MLLT3: variants seen among roughly 807,000 people sequenced by gnomAD.
MLLT3 encodes MLLT3 super elongation complex subunit, also known as protein AF-9.
MLLT3 carries 4 observed loss-of-function variants against 53.2 expected under a neutral mutation model. The ratio of observed to expected loss-of-function variants is 0.08; its 90% confidence interval spans 0.04 to 0.17. The LOEUF (loss-of-function observed/expected upper bound fraction) is 0.17. Among genes scored for constraint, MLLT3 ranks in the 10% least tolerant of loss-of-function variants. MLLT3 has a pLI of 1.00. For missense variants in MLLT3, 569 were observed against 684.0 expected, an observed-to-expected ratio of 0.83 and a Z score of 1.87; for synonymous variants, 283 against 230.6, an observed-to-expected ratio of 1.23 and a Z score of -2.06.
At chr9:20,392,361 T>C (rs1358204196) in intron 5 of MLLT3, among the ~76,000 whole-genome samples, 2 of 152,126 alleles carry the variant, frequency 1.3e-5, no homozygotes, top group East Asian at 3.8e-4. Flanking sequence ...CGGGAGAAGA[T>C]GATAGAACTG....
intron 2 of MLLT3, among the ~76,000 whole-genome samples, chr9:20,582,623 T>G (rs191117752): frequency 9.8e-5 from 15 of 152,290 alleles, no homozygotes; most frequent in Admixed American, 9.1e-4. Context: ...GGACTTACAG[T>G]TCCATATGGC....
chr9:20,358,603 C>G (rs939604302), intron 8 of MLLT3, among the ~76,000 whole-genome samples: 2 of 152,202 alleles, frequency 1.3e-5, no homozygotes, highest in African/African-American at 4.8e-5. Context: ...CTGTTCAAGA[C>G]TGCCCATTCA....
chr9:20,359,099 C>T (rs567543064), intron 8 of MLLT3, among the ~76,000 whole-genome samples: 46 of 138,804 alleles, frequency 3.3e-4, no homozygotes, highest in Admixed American at 3.0e-3. Context: ...GAGCCAAGAT[C>T]GCGCCATTGC....
intron 8 of MLLT3, among the ~76,000 whole-genome samples, chr9:20,359,753 A>T (rs898929209): frequency 1.3e-5 from 2 of 152,252 alleles, no homozygotes; most frequent in African/African-American, 4.8e-5. Context: ...CCTGTGAAAC[A>T]GTATTTTCAG....
chr9:20,515,350 T>G (rs891712478), intron 2 of MLLT3, among the ~76,000 whole-genome samples: 1 of 152,222 alleles, frequency 6.6e-6, no homozygotes, highest in Non-Finnish European at 1.5e-5. Context: ...GCCTGAAGTT[T>G]GGCCAAGTTT....
intron 5 of MLLT3, among the ~76,000 whole-genome samples, chr9:20,410,237 CAAGAGAAAAAATCTTGAGTTTGA>C (rs1026017470): frequency 6.6e-6 from 1 of 152,022 alleles, no homozygotes; most frequent in South Asian, 2.1e-4. Flanking sequence ...CAGAGTTCTG[CAAGAGAAAAAATCTTGAGTTTGA>C]AAGAGAAAAA....
chr9:20,384,643 C>T (rs112188694), intron 5 of MLLT3, among the ~76,000 whole-genome samples: 50 of 152,096 alleles, frequency 3.3e-4, no homozygotes, highest in Non-Finnish European at 6.3e-4. Flanking sequence ...AGTATCAACA[C>T]GACAGTCAAA....
chr9:20,584,695 C>T (rs1266184169), intron 2 of MLLT3, among the ~76,000 whole-genome samples: 1 of 152,118 alleles, frequency 6.6e-6, no homozygotes, highest in East Asian at 1.9e-4. Context: ...CAAGAAAGAC[C>T]AGGCCCCAAG....
intron 2 of MLLT3, among the ~76,000 whole-genome samples, chr9:20,513,700 G>A (rs1038386737): frequency 2.0e-5 from 3 of 152,214 alleles, no homozygotes; most frequent in Admixed American, 6.5e-5. Flanking sequence ...GTCCATGAGG[G>A]AGGTGGTTGT....
chr9:20,608,867 T>C (rs1471676250), intron 2 of MLLT3, among the ~76,000 whole-genome samples: 2 of 152,006 alleles, frequency 1.3e-5, no homozygotes, highest in African/African-American at 4.8e-5. Context: ...GTTCCTGATA[T>C]CCCACGTCCC....
rs139122100 is a variant in MLLT3 at position 20,526,611 on chromosome 9, T to C, written c.194-69825A>G. Reference sequence around the variant, plus strand: ...AATGATTGACAGTTTTAAGCTATTATAAGTAGTACTCTAGAAATATTCTTG... The same window carrying C: ...AATGATTGACAGTTTTAAGCTATTACAAGTAGTACTCTAGAAATATTCTTG... On this transcript the variant is annotated intron_variant, in intron 2 of 10. Coordinates refer to ENST00000380338, the MANE Select transcript of MLLT3 (RefSeq NM_004529.4). 2.3e-3 allele frequency among the ~76,000 whole-genome samples: 354 copies of C among 152,330 alleles called. 1 individual carries two copies. The highest frequency in any genetic ancestry group is 3.1e-3 in the Non-Finnish European group (214 of 68,008).
At chr9:20,384,768 A>T (rs1164909615) in intron 5 of MLLT3, among the ~76,000 whole-genome samples, 1 of 152,120 alleles carries the variant, frequency 6.6e-6, no homozygotes, top group African/African-American at 2.4e-5. Flanking sequence ...AGAGTCATCA[A>T]ATCTACAGTC....
At chr9:20,398,085 A>T (rs1822366420) in intron 5 of MLLT3, among the ~76,000 whole-genome samples, 1 of 152,072 alleles carries the variant, frequency 6.6e-6, no homozygotes, top group African/African-American at 2.4e-5. Flanking sequence ...TTCTGCATAT[A>T]CAATGAATAT....
At chr9:20,509,830 C>G (rs1315487200) in intron 2 of MLLT3, among the ~76,000 whole-genome samples, 1 of 151,482 alleles carries the variant, frequency 6.6e-6, no homozygotes, top group Non-Finnish European at 1.5e-5. Context: ...TGTAAAAGAA[C>G]TGTCAATCAG....
chr9:20,372,488 C>T (rs189610360), intron 5 of MLLT3, among the ~76,000 whole-genome samples: 9 of 151,788 alleles, frequency 5.9e-5, no homozygotes, highest in African/African-American at 2.2e-4. Context: ...AGTTCGTTCA[C>T]GCCATTCTCC....
chr9:20,593,657 C>G (rs772483752), intron 2 of MLLT3, among the ~76,000 whole-genome samples: 1 of 152,146 alleles, frequency 6.6e-6, no homozygotes, highest in African/African-American at 2.4e-5. Context: ...TAAACTAACT[C>G]TGCTTATTCC....
At chr9:20,350,588 C>T (rs1029005709) in intron 10 of MLLT3, among the ~76,000 whole-genome samples, 1 of 71,446 alleles carries the variant, frequency 1.4e-5, no homozygotes. Flanking sequence ...GAGCGAGACT[C>T]CGTCTCAAAA....
intron 2 of MLLT3, among the ~76,000 whole-genome samples, chr9:20,588,108 C>T (rs1393033504): frequency 6.6e-6 from 1 of 152,028 alleles, no homozygotes; most frequent in South Asian, 2.1e-4. Flanking sequence ...AATCCTTTCC[C>T]CATTGCTTGT....
At chr9:20,419,422 AAAGAG>A (rs1373365382) in intron 4 of MLLT3, among the ~76,000 whole-genome samples, 1 of 151,974 alleles carries the variant, frequency 6.6e-6, no homozygotes, top group African/African-American at 2.4e-5. Flanking sequence ...CAGAAGGAAG[AAAGAG>A]AAAAGACAGA....
Sources: gnomAD v4.1 joint callset for allele counts (sites outside exome capture counted in the v4.1 genomes callset) on GRCh38, gnomAD v4.1.1 for gene constraint, MANE v1.5 for transcripts, NCBI Gene and HGNC (gene_info 2026-07-23, HGNC 2026-07-21) for gene names.